Variants in TXLNA observed in about 807,000 individuals in gnomAD.
The protein encoded by TXLNA is alpha-taxilin.
A neutral mutation model predicts 61.4 loss-of-function variants in TXLNA; 9 were observed. That is an observed-to-expected ratio of 0.15 (90% confidence interval 0.09 to 0.26). The LOEUF (loss-of-function observed/expected upper bound fraction) is 0.26. TXLNA is among the 10% of genes least tolerant of loss of function. The pLI, the probability that TXLNA is intolerant of heterozygous loss-of-function variation, is 1.00. For missense variants in TXLNA, 565 were observed against 688.8 expected (o/e 0.82, Z 2.01); for synonymous variants, 257 against 267.7 (o/e 0.96, Z 0.39).
rs996604507 is a variant in TXLNA at position 32,197,860 on chromosome 1, T to C, written c.*2665T>C. The C allele has an allele frequency of 1.3e-5, 2 of 152,222 alleles. No homozygotes were observed. The highest frequency in any genetic ancestry group is 4.8e-5 in the African/African-American group (2 of 41,452). 9.4% of individuals were successfully genotyped at this position (152,222 alleles called of 1,614,324 possible). On this transcript the variant is annotated 3_prime_UTR_variant, in exon 11 of 11. Coordinates refer to ENST00000373610, the MANE Select transcript of TXLNA (RefSeq NM_175852.4). This position sits in a 1 kb window ranked among gnomAD's most constrained non-coding sequence, Gnocchi z 4.6. Reference sequence around the variant, plus strand: ...TGTTTTCCATGAGGTTATCGGACCATGGGCTGAGCTCAGGCACTTTCTGTA... The same window carrying C: ...TGTTTTCCATGAGGTTATCGGACCACGGGCTGAGCTCAGGCACTTTCTGTA...
rs1485189287 is a variant in TXLNA, at chr1:32,187,967, G to A, written c.611G>A (p.Arg204Gln). The A allele has an allele frequency of 2.5e-6, 4 of 1,613,640 alleles. No homozygotes were observed. Among genetic ancestry groups the A allele is most frequent in the African/African-American group, 1.3e-5 (1 of 74,900 alleles). Residue 204 changes from arginine (R) to glutamine (Q), a missense_variant, in exon 5 of 11, where the codon CGG (arginine) becomes CAG (glutamine). Transcript: ENST00000373610. ...KKYAELLEEH[R>Q]NSQKQMKLLQ... ...CCCTGTCCCCAGCTGGAGGAGCACCGGAATTCACAGAAGCAGATGAAGCTC... is the reference window on the plus strand; with the variant it reads ...CCCTGTCCCCAGCTGGAGGAGCACCAGAATTCACAGAAGCAGATGAAGCTC...
At chr1:32,185,583 G>A in intron 4 of TXLNA, among the ~76,000 whole-genome samples, 1 of 118,410 alleles carries the variant, frequency 8.4e-6, no homozygotes, top group East Asian at 2.6e-4. Context: ...TTTTTTTTTA[G>A]TAGAGACGGG....
At chr1:32,180,885 T>C (rs1230963414) in intron 2 of TXLNA, among the ~76,000 whole-genome samples, 1 of 152,210 alleles carries the variant, frequency 6.6e-6, no homozygotes, top group Non-Finnish European at 1.5e-5. Flanking sequence ...GGGAAGGAGA[T>C]GGACTAGAAG....
At chr1:32,180,903 G>A (rs570544115) in intron 2 of TXLNA, among the ~76,000 whole-genome samples, 3 of 152,326 alleles carry the variant, frequency 2.0e-5, no homozygotes, top group Admixed American at 6.5e-5. Flanking sequence ...AAGTTGCTCC[G>A]TGCCATCCCT....
At chr1:32,189,260 G>A (rs1400524690) in intron 5 of TXLNA, among the ~76,000 whole-genome samples, 1 of 152,122 alleles carries the variant, frequency 6.6e-6, no homozygotes, top group Non-Finnish European at 1.5e-5. Flanking sequence ...AAATGGCTAG[G>A]TCACAGTATA....
intron 3 of TXLNA, among the ~76,000 whole-genome samples, chr1:32,182,098 CTTTT>C: frequency 9.8e-6 from 1 of 101,716 alleles, no homozygotes; most frequent in Non-Finnish European, 1.9e-5. Flanking sequence ...TGCAGTCAGG[CTTTT>C]TTTTTTTTTT....
chr1:32,192,852 G>A lies in TXLNA; in HGVS notation c.1158+121G>A, dbSNP rs1642936500. The A allele has an allele frequency of 2.9e-6, 3 of 1,031,470 alleles. No homozygotes were observed. Among genetic ancestry groups the A allele is most frequent in the Non-Finnish European group, 4.4e-6 (3 of 687,184 alleles). The allele number at this position is 1,031,470 out of a possible 1,614,324, so 63.9% of individuals were successfully genotyped here. ...GTGTCCTGGCTGCTATGACGCCTTG[G>A]TTGAGCCTTTGTTCTCTCCGGACCT... On this transcript the variant is annotated intron_variant, in intron 8 of 10. Coordinates refer to ENST00000373610, the MANE Select transcript of TXLNA (RefSeq NM_175852.4). This position sits in a 1 kb window ranked among gnomAD's most constrained non-coding sequence, Gnocchi z 4.2.
chr1:32,194,302 A>C, intron 10 of TXLNA, 142 bp downstream of exon 10: 1 of 702,660 alleles, frequency 1.4e-6, no homozygotes, highest in Non-Finnish European at 2.4e-6. Flanking sequence ...GTCCAAAGTT[A>C]ATGCTGTTCT....
At position 32,192,602 on chromosome 1, in the gene TXLNA, C is replaced by G. The variant is rs1642931875; in HGVS notation, c.1084-55C>G. ...GGGTCTGGTGCTTGTGGCTAAAAAC[C>G]AAACATAGCCCCTGGGGGCTTCTGA... On this transcript the variant is annotated intron_variant, in intron 7 of 10. Coordinates refer to ENST00000373610, the MANE Select transcript of TXLNA (RefSeq NM_175852.4). The surrounding 1 kb of genome is among the most constrained non-coding windows in gnomAD (Gnocchi z 4.2). 6.2e-7 allele frequency: 1 copy of G among 1,608,716 alleles called. No homozygotes were observed. The highest frequency in any genetic ancestry group is 8.5e-7 in the Non-Finnish European group (1 of 1,175,616).
chr1:32,194,583 A>C (rs1642973859), intron 10 of TXLNA, among the ~76,000 whole-genome samples: 1 of 152,172 alleles, frequency 6.6e-6, no homozygotes, highest in African/African-American at 2.4e-5. Flanking sequence ...TACGTTGTTC[A>C]TTGAACCTTC....
chr1:32,181,442 G>A lies in TXLNA; in HGVS notation c.370G>A (p.Glu124Lys), dbSNP rs1046615667. The change falls in exon 3 of 11, where the codon GAA (glutamate) becomes AAA (lysine). Residue 124 changes from glutamate (E) to lysine (K), a missense_variant. Transcript: ENST00000373610. Reference sequence around the variant, plus strand: ...CTATGTGGCAAGGAATGGGGAGCCTGAACCAACTCCAGTAGTCAATGGAGA... The same window carrying A: ...CTATGTGGCAAGGAATGGGGAGCCTAAACCAACTCCAGTAGTCAATGGAGA... ...RTYVARNGEP[E>K]PTPVVNGEKE... The A allele has an allele frequency of 6.2e-7, 1 of 1,614,192 alleles. No homozygotes were observed. Among genetic ancestry groups the A allele is most frequent in the African/African-American group, 1.3e-5 (1 of 75,074 alleles).
At chr1:32,182,491 G>A (rs1330799258) in intron 3 of TXLNA, among the ~76,000 whole-genome samples, 3 of 150,462 alleles carry the variant, frequency 2.0e-5, no homozygotes, top group Middle Eastern at 3.2e-3. Flanking sequence ...ATGAAATCCC[G>A]TCTCTACTAA....
Position 32,193,231 on chromosome 1 carries a change from T to TGAGGAGTTC in TXLNA, c.1183_1191dup (p.Glu395_Phe397dup). On this transcript the variant is annotated inframe_insertion, in exon 9 of 11. Transcript: ENST00000373610. ...AGCTTGCCCTATACACAGAGAAGTT[T>TGAGGAGTTC]GAGGAGTTCCAGAACACACTTTCCA... 1 of 1,613,830 alleles carries TGAGGAGTTC rather than the reference T, an allele frequency of 6.2e-7. No individual in the cohort carries two copies. Among genetic ancestry groups the TGAGGAGTTC allele is most frequent in the Admixed American group, 1.7e-5 (1 of 59,982 alleles).
intron 5 of TXLNA, among the ~76,000 whole-genome samples, chr1:32,189,110 A>G (rs1197623658): frequency 3.3e-5 from 5 of 152,096 alleles, no homozygotes; most frequent in Non-Finnish European, 7.4e-5. Flanking sequence ...TGGATATATT[A>G]TATCAGTGCC....
At position 32,190,232 on chromosome 1, in the gene TXLNA, T is replaced by C; in HGVS notation, c.946T>C (p.Tyr316His). The change falls in exon 6 of 11, where the codon TAT (tyrosine) becomes CAT (histidine). Residue 316 changes from tyrosine (Y) to histidine (H), a missense_variant. Physicochemically the swap from Tyr to His is moderately conservative, Grantham distance 83 (BLOSUM62 2). This residue lies in a region of TXLNA where 373 missense variants were observed against 504.0 expected (regional missense o/e 0.74). Coordinates refer to ENST00000373610, the MANE Select transcript of TXLNA (RefSeq NM_175852.4). Reference sequence around the variant, plus strand: ...GAGGCTCAAGAAGCTGATTGAGCAGTATGAGCTGCGCGAGGAGGTAAGGGT... The same window carrying C: ...GAGGCTCAAGAAGCTGATTGAGCAGCATGAGCTGCGCGAGGAGGTAAGGGT... ...AERLKKLIEQYELREEHIDKV... is the reference protein window; with the variant it reads ...AERLKKLIEQHELREEHIDKV... The C allele has an allele frequency of 6.2e-7, 1 of 1,603,654 alleles. No homozygotes were observed. Among genetic ancestry groups the C allele is most frequent in the African/African-American group, 1.3e-5 (1 of 74,878 alleles).
chr1:32,196,423 CT>C lies in TXLNA; in HGVS notation c.*1230del. The C allele has an allele frequency of 6.6e-6, 1 of 152,236 alleles. No individual in the cohort carries two copies. Among genetic ancestry groups the C allele is most frequent in the East Asian group, 1.9e-4 (1 of 5,204 alleles). 9.4% of individuals were successfully genotyped at this position (152,236 alleles called of 1,614,324 possible). A position where few individuals can be genotyped will look rare whatever the true frequency, so the allele number is the denominator to read the frequency against. On this transcript the variant is annotated 3_prime_UTR_variant, in exon 11 of 11. Coordinates refer to ENST00000373610, the MANE Select transcript of TXLNA (RefSeq NM_175852.4). ...CTGCCTGTCCTTGGGGATTCTACTT[CT>C]TCCTGTGTGGGAGCCCATAGCTGTT...
rs1279384389 is a variant in TXLNA, at chr1:32,195,754, G to C, written c.*559G>C. On this transcript the variant is annotated 3_prime_UTR_variant, in exon 11 of 11. Coordinates refer to ENST00000373610, the MANE Select transcript of TXLNA (RefSeq NM_175852.4). Reference sequence around the variant, plus strand: ...GGGCGCTCAGAGCTGGGGATTTCCTGCCTGGAACAAGGGACCTGGAGAATG... The same window carrying C: ...GGGCGCTCAGAGCTGGGGATTTCCTCCCTGGAACAAGGGACCTGGAGAATG... 1 of 456,152 alleles carries C rather than the reference G, an allele frequency of 2.2e-6. No homozygotes were observed. Among genetic ancestry groups the C allele is most frequent in the African/African-American group, 2.0e-5 (1 of 50,074 alleles). 28.3% of individuals were successfully genotyped at this position (456,152 alleles called of 1,614,324 possible).
At position 32,194,911 on chromosome 1, in the gene TXLNA, C is replaced by T. The variant is rs1642983789; in HGVS notation, c.1357C>T (p.Arg453Trp). 1.2e-6 allele frequency: 2 copies of T among 1,609,626 alleles called. No homozygotes were observed. The highest frequency in any genetic ancestry group is 1.7e-6 in the Non-Finnish European group (2 of 1,178,054). ...TCATTTCTTTCCCTAGAAAACAGTC[C>T]GGGATAAAGAACTGGAGGGCCTGCA... Reference protein sequence around the residue: ...LLEMAEEKTVRDKELEGLQVK... With the variant: ...LLEMAEEKTVWDKELEGLQVK... Residue 453 changes from arginine (R) to tryptophan (W), a missense_variant, in exon 11 of 11, where the codon CGG (arginine) becomes TGG (tryptophan). By Grantham distance (101) the Arg-to-Trp change is moderately radical. Transcript: ENST00000373610.
At position 32,181,477 on chromosome 1, in the gene TXLNA, C is replaced by G; in HGVS notation, c.405C>G (p.Pro135=). 1 of 1,612,742 alleles carries G rather than the reference C, an allele frequency of 6.2e-7. No homozygotes were observed. Among genetic ancestry groups the G allele is most frequent in the Non-Finnish European group, 8.5e-7 (1 of 1,179,392 alleles). Residue 135 remains proline (P), a synonymous_variant, in exon 3 of 11, where the codon CCC becomes CCG. Transcript: ENST00000373610. ...CAGTAGTCAATGGAGAGAAGGAACC[C>G]TCCAAGGGGGATCCAAACACAGAAG... ...PTPVVNGEKE[P]SKGDPNTEEI... is the part of the protein sequence containing the mutation.
Sources: allele counts gnomAD v4.1 joint callset (sites outside exome capture counted in the v4.1 genomes callset), GRCh38; gene constraint gnomAD v4.1.1; regional missense constraint gnomAD v4.1.1; non-coding constraint Gnocchi (gnomAD v3.1); transcripts MANE v1.5; gene names NCBI Gene and HGNC (gene_info 2026-07-23, HGNC 2026-07-21).